The following RXFP1 variants were observed in gnomAD, a reference collection of about 807,000 sequenced individuals.
The protein encoded by RXFP1 is relaxin family peptide receptor 1, also known as relaxin receptor 1.
In RXFP1, 73 loss-of-function variants were observed where a neutral mutation model predicts 89.8. The observed-to-expected ratio is 0.81, with a 90% confidence interval of 0.67 to 0.99. RXFP1 has a LOEUF of 0.99. RXFP1 is among the 50% of genes least tolerant of loss of function. The probability of loss-of-function intolerance (pLI) is 0.00; values close to 1 mark genes in which losing one functional copy is unlikely to be tolerated. For missense variants in RXFP1, 793 were observed against 895.5 expected (o/e 0.89, Z 1.46); for synonymous variants, 277 against 305.5 (o/e 0.91, Z 0.97).
At chr4:158,534,652 T>A (rs1288155005) in intron 1 of RXFP1, among the ~76,000 whole-genome samples, 1 of 152,066 alleles carries the variant, frequency 6.6e-6, no homozygotes, top group Non-Finnish European at 1.5e-5. Context: ...AAATGTTGTC[T>A]GATTATATCC....
chr4:158,626,654 T>TTA (rs1554019719), intron 9 of RXFP1, among the ~76,000 whole-genome samples, 166 bp from the exon 10 acceptor site: 1 of 151,898 alleles, frequency 6.6e-6, no homozygotes, highest in Non-Finnish European at 1.5e-5. Flanking sequence ...ATATAGATAT[T>TTA]TATATATATA....
chr4:158,549,827 G>C (rs910887941), intron 1 of RXFP1, among the ~76,000 whole-genome samples: 2 of 152,218 alleles, frequency 1.3e-5, no homozygotes, highest in Non-Finnish European at 2.9e-5. Flanking sequence ...TCTCAGAGGA[G>C]TACCCGGCCG....
intron 1 of RXFP1, among the ~76,000 whole-genome samples, chr4:158,543,153 G>T (rs12511076): frequency 0.19 from 29,436 of 152,094 alleles, 3,744 homozygotes; most frequent in African/African-American, 0.34. Flanking sequence ...AGAAGTAAGT[G>T]CTTGCTGGCA....
intron 1 of RXFP1, among the ~76,000 whole-genome samples, chr4:158,536,234 G>C (rs985553941): frequency 6.6e-6 from 1 of 152,106 alleles, no homozygotes; most frequent in African/African-American, 2.4e-5. Flanking sequence ...TTATAGGACC[G>C]AGGCCTAATA....
chr4:158,599,519 A>G (rs1436838612), intron 4 of RXFP1, 88 bp downstream of exon 4: 1 of 1,023,504 alleles, frequency 9.8e-7, no homozygotes, highest in South Asian at 1.9e-5. Context: ...TATTCATAAT[A>G]TATTTTTATT....
At chr4:158,554,824 G>C (rs142891760) in intron 1 of RXFP1, among the ~76,000 whole-genome samples, 1 of 152,162 alleles carries the variant, frequency 6.6e-6, no homozygotes, top group East Asian at 1.9e-4. Flanking sequence ...GCTTGAAAAA[G>C]TCATAGCTGT....
intron 1 of RXFP1, among the ~76,000 whole-genome samples, chr4:158,539,557 T>G (rs560932298): frequency 3.2e-4 from 48 of 152,058 alleles, no homozygotes; most frequent in Non-Finnish European, 4.9e-4. Flanking sequence ...TGAAGAGTAT[T>G]AACTAGTTCC....
intron 1 of RXFP1, among the ~76,000 whole-genome samples, chr4:158,542,439 A>T (rs776651778): frequency 7.5e-4 from 114 of 152,246 alleles, no homozygotes; most frequent in Middle Eastern, 3.4e-3. Flanking sequence ...CCTTTTGCAA[A>T]CCCAAGACTG....
chr4:158,541,932 T>G (rs1389689371), intron 1 of RXFP1, among the ~76,000 whole-genome samples: 1 of 150,816 alleles, frequency 6.6e-6, no homozygotes, highest in Admixed American at 6.6e-5. Context: ...TTGTTTTTGT[T>G]TTTTTGAGAT....
At chr4:158,559,350 T>C (rs1751960365) in intron 1 of RXFP1, among the ~76,000 whole-genome samples, 1 of 152,208 alleles carries the variant, frequency 6.6e-6, no homozygotes, top group South Asian at 2.1e-4. Context: ...CAAAAACTGA[T>C]GTACCTTCCT....
chr4:158,644,204 G>A (rs915489328), intron 14 of RXFP1, among the ~76,000 whole-genome samples: 22 of 151,786 alleles, frequency 1.4e-4, no homozygotes, highest in Non-Finnish European at 2.1e-4. Flanking sequence ...CCGCCACCAC[G>A]CCTGGCTAAT....
chr4:158,540,574 C>T (rs926257144), intron 1 of RXFP1, among the ~76,000 whole-genome samples: 2 of 150,748 alleles, frequency 1.3e-5, no homozygotes, highest in African/African-American at 4.9e-5. Flanking sequence ...CCTCCTATCT[C>T]ATCCTGTGAC....
At chr4:158,592,598 TA>T (rs1455693718) in intron 2 of RXFP1, among the ~76,000 whole-genome samples, 1 of 151,956 alleles carries the variant, frequency 6.6e-6, no homozygotes, top group South Asian at 2.1e-4. Flanking sequence ...TAAAGTAACA[TA>T]AAAAAAGTTA....
intron 1 of RXFP1, among the ~76,000 whole-genome samples, chr4:158,568,153 G>A (rs1225298338): frequency 6.6e-6 from 1 of 152,126 alleles, no homozygotes; most frequent in Non-Finnish European, 1.5e-5. Context: ...CCCACCAGAA[G>A]GAAGAAACTC....
intron 12 of RXFP1, among the ~76,000 whole-genome samples, chr4:158,634,474 T>C (rs967339748): frequency 6.6e-6 from 1 of 152,246 alleles, no homozygotes. Flanking sequence ...TTGTATGGGC[T>C]GCCTTTTCAC....
chr4:158,534,245 ATTTT>A lies in RXFP1; in HGVS notation c.49+12236_49+12239del, dbSNP rs70962614. Among the ~76,000 whole-genome samples, 1,136 of 137,564 alleles carry A rather than the reference ATTTT, an allele frequency of 8.3e-3. 14 individuals are homozygous for A. The highest frequency in any genetic ancestry group is 0.011 in the Middle Eastern group (3 of 264). The allele number at this position is 137,564 out of a possible 152,430, so 90.2% of individuals were successfully genotyped here. ...TCTAGATCAATGTTATGATATTCTGATTTTTTTTTTTTTTTTTTTGAGACAGAGT... is the reference window on the plus strand; with the variant it reads ...TCTAGATCAATGTTATGATATTCTGATTTTTTTTTTTTTTTGAGACAGAGT... On this transcript the variant is annotated intron_variant, in intron 1 of 17. Transcript: ENST00000307765.
chr4:158,592,157 A>G (rs1205023104), intron 2 of RXFP1, among the ~76,000 whole-genome samples: 2 of 152,194 alleles, frequency 1.3e-5, no homozygotes, highest in African/African-American at 4.8e-5. Context: ...AAATAGAAAT[A>G]AGAAAATATA....
intron 1 of RXFP1, among the ~76,000 whole-genome samples, chr4:158,538,904 G>C (rs1366721423): frequency 6.6e-6 from 1 of 151,868 alleles, no homozygotes; most frequent in Non-Finnish European, 1.5e-5. Context: ...TTCCTTACAC[G>C]TTCCACAGAT....
At chr4:158,585,010 C>T (rs982955523) in intron 2 of RXFP1, among the ~76,000 whole-genome samples, 1 of 152,162 alleles carries the variant, frequency 6.6e-6, no homozygotes, top group African/African-American at 2.4e-5. Flanking sequence ...GTTTCTAATT[C>T]GGTGCATCTG....
Sources: allele counts gnomAD v4.1 joint callset (sites outside exome capture counted in the v4.1 genomes callset), GRCh38; gene constraint gnomAD v4.1.1; transcripts MANE v1.5; gene names NCBI Gene and HGNC (gene_info 2026-07-23, HGNC 2026-07-21).